The following NRBP1 variants were observed in gnomAD, a reference collection of about 807,000 sequenced individuals.
The protein encoded by NRBP1 is nuclear receptor-binding protein.
Under a neutral mutation model 76.0 loss-of-function variants are expected in NRBP1, and 10 were observed. That is an observed-to-expected ratio of 0.13 (90% CI 0.08 to 0.22). The LOEUF (loss-of-function observed/expected upper bound fraction) is 0.22. Among genes scored for constraint, NRBP1 ranks in the 10% least tolerant of loss-of-function variants. The pLI, the probability that NRBP1 is intolerant of heterozygous loss-of-function variation, is 1.00. For missense variants in NRBP1, 344 were observed against 646.0 expected (o/e 0.53, Z 5.07); for synonymous variants, 235 against 240.2 (o/e 0.98, Z 0.20).
chr2:27,428,436 G>A (rs905970317), upstream of NRBP1: 10 of 385,874 alleles, frequency 2.6e-5, no homozygotes, highest in African/African-American at 8.3e-5. Context: ...GCCCCAGCTG[G>A]GACCGAAAAC....
Position 27,433,388 on chromosome 2 carries a change from T to G in NRBP1, c.115T>G (p.Ser39Ala), listed in dbSNP as rs1664182818. The G allele has an allele frequency of 3.1e-6, 5 of 1,614,038 alleles. 1 individual carries two copies. Among genetic ancestry groups the G allele is most frequent in the Non-Finnish European group, 4.2e-6 (5 of 1,180,026 alleles). The change falls in exon 2 of 18, where the codon TCA (serine) becomes GCA (alanine). Residue 39 changes from serine to alanine, a missense_variant. By Grantham distance (99) the Ser-to-Ala change is moderately conservative. This residue lies in a region of NRBP1 where 53 missense variants were observed against 48.4 expected (regional missense o/e 1.09). Coordinates refer to ENST00000379852, the MANE Select transcript of NRBP1 (RefSeq NM_013392.4). The stretch of plus-strand genomic sequence containing the variant: ...GTCACCTCCTGTGACCTCCACAACC[T>G]CAGCTGCTTCCCCAGAGGAAGAAGA... ...SVSPPVTSTT[S>A]AASPEEEEES... is the part of the protein sequence containing the mutation.
At chr2:27,435,553 T>C (rs1664270749) in intron 7 of NRBP1, 4 of 654,076 alleles carry the variant, frequency 6.1e-6, no homozygotes, top group Admixed American at 4.4e-5. Flanking sequence ...AGGCTGTTCC[T>C]GCTGTGAGTG....
intron 1 of NRBP1, among the ~76,000 whole-genome samples, chr2:27,430,576 C>G (rs1664075078): frequency 1.3e-5 from 2 of 149,252 alleles, no homozygotes; most frequent in South Asian, 4.3e-4. Flanking sequence ...TCAAGTGATT[C>G]TCGTGCTTCA....
rs771982138 is a variant in NRBP1, at chr2:27,441,554, GTTTC to G, written c.1448-9_1448-6del. ...TCCCGTACTGTACTCACCCCCTCCTGTTTCTTTGTCAGATGAGAATATCCCCGAG... is the reference window on the plus strand; with the variant it reads ...TCCCGTACTGTACTCACCCCCTCCTGTTTGTCAGATGAGAATATCCCCGAG... On this transcript the variant is annotated splice_polypyrimidine_tract_variant and intron_variant, in intron 16 of 17. Transcript: ENST00000379852. 15 of 1,613,992 alleles carry G rather than the reference GTTTC, an allele frequency of 9.3e-6. No homozygotes were observed. Among genetic ancestry groups the G allele is most frequent in the African/African-American group, 1.3e-5 (1 of 74,916 alleles).
In NRBP1 at chr2:27,437,029, C is replaced by T. The variant is rs1438418895; in HGVS notation, c.746-18C>T. ...CCCCAATCCTCTGATTAACCAAAGCCTTCTCTGTTTTCCCTAGAAGTCACT... is the reference window on the plus strand; with the variant it reads ...CCCCAATCCTCTGATTAACCAAAGCTTTCTCTGTTTTCCCTAGAAGTCACT... On this transcript the variant is annotated intron_variant, in intron 8 of 17. Transcript: ENST00000379852. 12 of 1,610,894 alleles carry T rather than the reference C, an allele frequency of 7.4e-6. No individual in the cohort carries two copies. Among genetic ancestry groups the T allele is most frequent in the Non-Finnish European group, 3.4e-6 (4 of 1,177,478 alleles).
At chr2:27,429,698 G>A (rs773928830) in intron 1 of NRBP1, among the ~76,000 whole-genome samples, 60 of 152,146 alleles carry the variant, frequency 3.9e-4, no homozygotes, top group Non-Finnish European at 7.9e-4. Context: ...GAAAAATTAG[G>A]AAGGGATAAA....
At chr2:27,434,866 T>C (rs1279555275) in intron 6 of NRBP1, 104 bp downstream of exon 6, 2 of 1,211,850 alleles carry the variant, frequency 1.7e-6, no homozygotes, top group Non-Finnish European at 2.4e-6. Flanking sequence ...CTCCCCACTT[T>C]CTTTGAATCA....
chr2:27,436,678 T>G, intron 7 of NRBP1, 75 bp from the exon 8 acceptor site: 1 of 1,355,278 alleles, frequency 7.4e-7, no homozygotes, highest in Non-Finnish European at 1.1e-6. Context: ...GAATTTGGCT[T>G]TTGGGGCCTC....
Position 27,434,428 on chromosome 2 carries a change from A to G in NRBP1, c.436-43A>G, listed in dbSNP as rs766495862. The G allele has an allele frequency of 2.3e-6, 3 of 1,297,546 alleles. No homozygotes were observed. In the South Asian group the frequency reaches 3.6e-5, roughly 16 times the overall value. 80.4% of individuals were successfully genotyped at this position (1,297,546 alleles called of 1,614,324 possible). ...AAATATGTTAACAAGGGAAGGGATC[A>G]TTTCTACTATAAGGCCTTTTAGTAA... On this transcript the variant is annotated intron_variant, in intron 4 of 17. Coordinates refer to ENST00000379852, the MANE Select transcript of NRBP1 (RefSeq NM_013392.4).
At chr2:27,429,207 GGCCCCA>G in intron 1 of NRBP1, 1 of 152,466 alleles carries the variant, frequency 6.6e-6, no homozygotes. Context: ...TGGCTCCCTG[GGCCCCA>G]GCCTGGTTCC....
chr2:27,437,163 T>G, intron 9 of NRBP1, 58 bp downstream of exon 9: 1 of 1,590,014 alleles, frequency 6.3e-7, no homozygotes. Flanking sequence ...GAATTGGGAA[T>G]GGAGGGAAGA....
At chr2:27,429,665 C>T (rs1415596894) in intron 1 of NRBP1, among the ~76,000 whole-genome samples, 1 of 152,042 alleles carries the variant, frequency 6.6e-6, no homozygotes, top group Non-Finnish European at 1.5e-5. Context: ...ATCTTGGGCA[C>T]TGCCCTCATT....
chr2:27,438,104 C>T (rs190607515), intron 10 of NRBP1, among the ~76,000 whole-genome samples: 4 of 151,460 alleles, frequency 2.6e-5, no homozygotes, highest in African/African-American at 7.3e-5. Flanking sequence ...AGCTTGAACC[C>T]GGGAGGCGGA....
chr2:27,438,049 T>C (rs1200395275), intron 10 of NRBP1, among the ~76,000 whole-genome samples: 1 of 150,510 alleles, frequency 6.6e-6, no homozygotes, highest in Non-Finnish European at 1.5e-5. Context: ...TAGCTGGGCA[T>C]GGTGGTGTGT....
At position 27,437,373 on chromosome 2, in the gene NRBP1, A is replaced by G. The variant is rs752894160; in HGVS notation, c.903+13A>G. On this transcript the variant is annotated intron_variant, in intron 10 of 17. Transcript: ENST00000379852. ...CCCATTACAGAGGGTAAGGATCTTC[A>G]GGATCACTCCCTCCTCAACTGACCT... 1.9e-6 allele frequency: 3 copies of G among 1,587,350 alleles called. No homozygotes were observed. Among genetic ancestry groups the G allele is most frequent in the Non-Finnish European group, 1.7e-6 (2 of 1,156,370 alleles).
intron 4 of NRBP1, 80 bp from the exon 5 acceptor site, chr2:27,434,391 C>A: frequency 1.9e-6 from 2 of 1,055,248 alleles, no homozygotes; most frequent in Non-Finnish European, 1.4e-6. Context: ...TTTTAACAAA[C>A]CTTCAAATTT....
chr2:27,441,153 G>A lies in NRBP1; in HGVS notation c.1356G>A (p.Glu452=), dbSNP rs1276154903. 1.2e-6 allele frequency: 2 copies of A among 1,613,852 alleles called. No individual in the cohort carries two copies. Among genetic ancestry groups the A allele is most frequent in the East Asian group, 4.5e-5 (2 of 44,890 alleles). ...RKVVLMQCNI[E]SVEEGVKHHL... is the part of the protein sequence containing the mutation. ...TGGTGCTGATGCAGTGCAACATTGA[G>A]TCGGTGGAGGAGGGAGTCAAACACC... The change falls in exon 15 of 18, where the codon GAG becomes GAA. Residue 452 remains glutamate, a synonymous_variant. Transcript: ENST00000379852.
chr2:27,434,678 AG>A (rs760235516), intron 5 of NRBP1, 43 bp from the exon 6 acceptor site: 6 of 1,612,708 alleles, frequency 3.7e-6, no homozygotes, highest in Non-Finnish European at 5.1e-6. Flanking sequence ...GAGAGAGTTA[AG>A]AGAGGGAATT....
chr2:27,436,702 A>G, intron 7 of NRBP1, 51 bp from the exon 8 acceptor site: 1 of 1,520,452 alleles, frequency 6.6e-7, no homozygotes, highest in Non-Finnish European at 9.1e-7. Context: ...CTGGAGTGAG[A>G]CTATTCTTCA....
Sources: allele counts gnomAD v4.1 joint callset (sites outside exome capture counted in the v4.1 genomes callset), GRCh38; gene constraint gnomAD v4.1.1; regional missense constraint gnomAD v4.1.1; transcripts MANE v1.5; gene names NCBI Gene and HGNC (gene_info 2026-07-23, HGNC 2026-07-21).